The following UTRN variants were observed in gnomAD, a reference collection of about 807,000 sequenced individuals.
The protein encoded by UTRN is utrophin.
A neutral mutation model predicts 463.9 loss-of-function variants in UTRN; 283 were observed. The observed-to-expected ratio is 0.61, with a 90% CI of 0.55 to 0.67. The LOEUF (loss-of-function observed/expected upper bound fraction) is 0.67, where lower values mean the gene tolerates loss of function less well. Ranked by LOEUF, UTRN falls within the 30% of genes least tolerant of loss-of-function variation. The pLI is 0.00. For missense variants in UTRN, 3,922 were observed against 4,084.3 expected, an observed-to-expected ratio of 0.96 and a Z score of 1.08; for synonymous variants, 1,442 against 1,431.5, an observed-to-expected ratio of 1.01 and a Z score of -0.17.
intron 2 of UTRN, among the ~76,000 whole-genome samples, chr6:144,344,497 C>T (rs1035264161): frequency 2.0e-5 from 3 of 152,218 alleles, no homozygotes; most frequent in Non-Finnish European, 4.4e-5. Context: ...ACGCTGTCTG[C>T]TTCACACTTC....
chr6:144,618,375 C>G (rs1254120863), intron 51 of UTRN, among the ~76,000 whole-genome samples: 1 of 151,966 alleles, frequency 6.6e-6, no homozygotes, highest in African/African-American at 2.4e-5. Flanking sequence ...GAGTGTATTC[C>G]TTAATAAATA....
At chr6:144,375,169 C>T (rs553118030) in intron 2 of UTRN, among the ~76,000 whole-genome samples, 2 of 152,106 alleles carry the variant, frequency 1.3e-5, no homozygotes, top group African/African-American at 4.8e-5. Flanking sequence ...ATACATGTCC[C>T]AGATGGACTC....
chr6:144,568,065 T>C (rs944014753), intron 50 of UTRN, among the ~76,000 whole-genome samples: 1 of 152,184 alleles, frequency 6.6e-6, no homozygotes, highest in Admixed American at 6.5e-5. Flanking sequence ...CAAAAATATC[T>C]TTTAAAAGCT....
chr6:144,336,025 G>A (rs1203898702), intron 2 of UTRN, among the ~76,000 whole-genome samples: 1 of 152,148 alleles, frequency 6.6e-6, no homozygotes, highest in African/African-American at 2.4e-5. Context: ...TGTGGTACCA[G>A]CTGCGGCAGG....
At chr6:144,745,271 C>A (rs1318015636) in intron 54 of UTRN, among the ~76,000 whole-genome samples, 2 of 151,750 alleles carry the variant, frequency 1.3e-5, no homozygotes, top group African/African-American at 4.8e-5. Flanking sequence ...GCAATAATTT[C>A]CCTTTTTTTC....
chr6:144,324,327 T>C (rs1775845723), intron 2 of UTRN, among the ~76,000 whole-genome samples: 1 of 152,198 alleles, frequency 6.6e-6, no homozygotes, highest in African/African-American at 2.4e-5. Flanking sequence ...GTAATTTGGC[T>C]GTATTGATTT....
chr6:144,465,742 A>G (rs893290700), intron 23 of UTRN, among the ~76,000 whole-genome samples: 1 of 152,142 alleles, frequency 6.6e-6, no homozygotes, highest in Non-Finnish European at 1.5e-5. Flanking sequence ...TATAATAAAT[A>G]TTTATTTGCA....
chr6:144,632,651 C>A (rs1395428118), intron 51 of UTRN, among the ~76,000 whole-genome samples: 1 of 152,024 alleles, frequency 6.6e-6, no homozygotes, highest in African/African-American at 2.4e-5. Context: ...CAAGAGCATA[C>A]CCGTGATTTG....
intron 13 of UTRN, among the ~76,000 whole-genome samples, chr6:144,443,830 G>A (rs1223922135): frequency 6.6e-6 from 1 of 151,752 alleles, no homozygotes; most frequent in African/African-American, 2.4e-5. Context: ...CATAATTTTG[G>A]TACCACAGAT....
At chr6:144,843,301 A>AATT (rs1225030178) in intron 73 of UTRN, among the ~76,000 whole-genome samples, 1 of 151,960 alleles carries the variant, frequency 6.6e-6, no homozygotes, top group Non-Finnish European at 1.5e-5. Context: ...TAAAATATAT[A>AATT]ATTTCCATAT....
intron 52 of UTRN, among the ~76,000 whole-genome samples, chr6:144,690,921 A>G (rs1783335574): frequency 6.6e-6 from 1 of 152,008 alleles, no homozygotes; most frequent in Non-Finnish European, 1.5e-5. Context: ...GCTTCTTTCA[A>G]AGGGTCTGTG....
In UTRN at chr6:144,748,275, A is replaced by T; in HGVS notation, c.7969A>T (p.Ile2657Phe). The change falls in exon 55 of 75, where the codon ATT becomes TTT. Residue 2657 changes from isoleucine (I) to phenylalanine (F), a missense_variant. This residue lies in a region of UTRN where 1,309 missense variants were observed against 1,452.6 expected (regional missense o/e 0.90). Coordinates refer to ENST00000367545, the MANE Select transcript of UTRN (RefSeq NM_007124.3). ...AACTCCTGAGGAGAGAGCCCAAAAG[A>T]TTGCCAAAGCCATGCGCAAACAGTC... is the stretch of plus-strand genomic sequence containing the variant. ...ELTPEERAQK[I>F]AKAMRKQSSE... 6.2e-7 allele frequency: 1 copy of T among 1,612,444 alleles called. No homozygotes were observed. The highest frequency in any genetic ancestry group is 1.1e-5 in the South Asian group (1 of 91,040).
At chr6:144,357,242 T>C (rs1397550868) in intron 2 of UTRN, among the ~76,000 whole-genome samples, 1 of 152,194 alleles carries the variant, frequency 6.6e-6, no homozygotes. Flanking sequence ...GGTAGGAGCC[T>C]GTACTTTGGC....
chr6:144,577,255 T>C lies in UTRN; in HGVS notation c.7446T>C (p.Ser2482=). 6.2e-7 allele frequency: 1 copy of C among 1,613,830 alleles called. No individual in the cohort carries two copies. Among genetic ancestry groups the C allele is most frequent in the Non-Finnish European group, 8.5e-7 (1 of 1,179,854 alleles). Residue 2482 remains serine, a synonymous_variant, in exon 51 of 75, where the codon AGT becomes AGC. Transcript: ENST00000367545. ...ATCGGGAGAATGCTCTTCAGGATAGTATCTTGGCCAGGGAACTCAAACAGC... is the reference window on the plus strand; with the variant it reads ...ATCGGGAGAATGCTCTTCAGGATAGCATCTTGGCCAGGGAACTCAAACAGC... ...ASHRENALQD[S]ILARELKQQM... is the part of the protein sequence containing the mutation.
At position 144,461,196 on chromosome 6, in the gene UTRN, G is replaced by A; in HGVS notation, c.2708-1G>A. The A allele has an allele frequency of 6.4e-7, 1 of 1,574,578 alleles. No individual in the cohort carries two copies. The highest frequency in any genetic ancestry group is 8.6e-7 in the Non-Finnish European group (1 of 1,161,302). ...CAAACTAAATATTTTTAAATAAACA[G>A]AACTGAAGGGCCAACCTGGACATGC... is the stretch of plus-strand genomic sequence containing the variant. On this transcript the variant is annotated splice_acceptor_variant, in intron 21 of 74. Transcript: ENST00000367545. LOFTEE classifies it high-confidence loss of function.
intron 58 of UTRN, among the ~76,000 whole-genome samples, chr6:144,769,667 C>T (rs541178079): frequency 3.3e-5 from 5 of 152,272 alleles, no homozygotes; most frequent in African/African-American, 9.6e-5. Context: ...TTAAGTATAA[C>T]GTCTGGCTCT....
chr6:144,522,237 C>A (rs1198493774), intron 40 of UTRN, 66 bp downstream of exon 40: 4 of 1,279,278 alleles, frequency 3.1e-6, no homozygotes, highest in South Asian at 2.3e-5. Context: ...GAAATTTGTT[C>A]TTGTGCCTAC....
intron 51 of UTRN, among the ~76,000 whole-genome samples, chr6:144,598,008 G>A (rs1803834411): frequency 6.6e-6 from 1 of 152,126 alleles, no homozygotes; most frequent in African/African-American, 2.4e-5. Context: ...ACATAGGGTT[G>A]TTCCTTATTT....
In UTRN at chr6:144,447,658, T is replaced by C; in HGVS notation, c.1779T>C (p.Ile593=). 1 of 1,614,030 alleles carries C rather than the reference T, an allele frequency of 6.2e-7. No individual in the cohort carries two copies. The highest frequency in any genetic ancestry group is 8.5e-7 in the Non-Finnish European group (1 of 1,179,934). Residue 593 remains isoleucine (I), a synonymous_variant, in exon 16 of 75, where the codon ATT becomes ATC. Coordinates refer to ENST00000367545, the MANE Select transcript of UTRN (RefSeq NM_007124.3). ...KRQTLDQLSE[I]GQDVGQLLDN... ...AAACATTGGATCAGCTGAGTGAGAT[T>C]GGCCAGGATGTGGGACAATTACTTG...
Sources: allele counts gnomAD v4.1 joint callset (sites outside exome capture counted in the v4.1 genomes callset), GRCh38; gene constraint gnomAD v4.1.1; regional missense constraint gnomAD v4.1.1; transcripts MANE v1.5; gene names NCBI Gene and HGNC (gene_info 2026-07-23, HGNC 2026-07-21).